Variants in PLCH1 observed in about 807,000 individuals in gnomAD.
PLCH1 encodes phospholipase C eta 1.
In PLCH1, 60 loss-of-function variants were observed where a neutral mutation model predicts 126.7. That is an observed-to-expected ratio of 0.47 (90% CI 0.38 to 0.59). The LOEUF (loss-of-function observed/expected upper bound fraction) is 0.59, where lower values mean the gene tolerates loss of function less well. PLCH1 is among the 20% of genes least tolerant of loss of function. The pLI is 0.00. For synonymous variants in PLCH1, 719 were observed against 734.9 expected, an observed-to-expected ratio of 0.98 and a Z score of 0.35; for missense variants, 1,723 against 2,040.0, an observed-to-expected ratio of 0.84 and a Z score of 2.99.
intron 18 of PLCH1, among the ~76,000 whole-genome samples, chr3:155,492,260 G>A (rs1265614217): frequency 1.3e-5 from 2 of 152,170 alleles, no homozygotes; most frequent in African/African-American, 2.4e-5. Flanking sequence ...GACTGTGGCC[G>A]CAGATGAAGA....
intron 1 of PLCH1, among the ~76,000 whole-genome samples, chr3:155,731,034 G>C (rs886395375): frequency 1.3e-5 from 2 of 152,232 alleles, no homozygotes; most frequent in African/African-American, 4.8e-5. Context: ...CACAGCCCTA[G>C]GCTCCAGACC....
chr3:155,483,499 A>G, intron 22 of PLCH1: 1 of 468,430 alleles, frequency 2.1e-6, no homozygotes, highest in East Asian at 3.5e-5. Flanking sequence ...AAACAAAAAA[A>G]GAAGAAAAGA....
intron 4 of PLCH1, among the ~76,000 whole-genome samples, chr3:155,586,537 TC>T (rs1731400434): frequency 6.6e-6 from 1 of 152,004 alleles, no homozygotes; most frequent in Admixed American, 6.6e-5. Flanking sequence ...TGAAACCCTG[TC>T]TCTACTAAAA....
chr3:155,613,136 A>G (rs1323967447), intron 2 of PLCH1, among the ~76,000 whole-genome samples: 1 of 152,134 alleles, frequency 6.6e-6, no homozygotes, highest in Non-Finnish European at 1.5e-5. Context: ...AATAACAAGC[A>G]GTGAGAATGA....
At chr3:155,536,869 G>A (rs1723424280) in intron 10 of PLCH1, among the ~76,000 whole-genome samples, 1 of 152,020 alleles carries the variant, frequency 6.6e-6, no homozygotes, top group African/African-American at 2.4e-5. Flanking sequence ...TAGACACATA[G>A]TCATCAGGTT....
intron 2 of PLCH1, among the ~76,000 whole-genome samples, chr3:155,636,959 T>A (rs2108837572): frequency 6.6e-6 from 1 of 152,272 alleles, no homozygotes; most frequent in Non-Finnish European, 1.5e-5. Flanking sequence ...TATGTCTCGG[T>A]TTTTTACTTT....
At chr3:155,681,721 G>A (rs1744553984) in intron 2 of PLCH1, among the ~76,000 whole-genome samples, 1 of 152,174 alleles carries the variant, frequency 6.6e-6, no homozygotes, top group African/African-American at 2.4e-5. Context: ...ATGTAGCTAT[G>A]CAAACACATG....
chr3:155,697,302 G>C (rs1394022835), intron 2 of PLCH1, among the ~76,000 whole-genome samples: 1 of 152,162 alleles, frequency 6.6e-6, no homozygotes, highest in Non-Finnish European at 1.5e-5. Context: ...ACAAGGACCT[G>C]CCTAGAGTGA....
At chr3:155,676,252 G>T (rs1409319884) in intron 2 of PLCH1, 1 of 1,221,394 alleles carries the variant, frequency 8.2e-7, no homozygotes, top group African/African-American at 1.6e-5. Context: ...AAATCCATGA[G>T]ATATGATTAT....
intron 4 of PLCH1, among the ~76,000 whole-genome samples, chr3:155,592,487 T>C (rs1285552357): frequency 2.7e-5 from 2 of 72,780 alleles, no homozygotes; most frequent in South Asian, 3.4e-4. Flanking sequence ...AGAGCAAGAC[T>C]CCATCTCCAA....
intron 2 of PLCH1, among the ~76,000 whole-genome samples, chr3:155,641,634 C>A (rs1739411428): frequency 6.6e-6 from 1 of 152,050 alleles, no homozygotes; most frequent in South Asian, 2.1e-4. Context: ...TTTAAGGTGA[C>A]AAATATCCAA....
At chr3:155,640,093 C>T (rs528708351) in intron 2 of PLCH1, among the ~76,000 whole-genome samples, 10 of 152,180 alleles carry the variant, frequency 6.6e-5, no homozygotes, top group African/African-American at 2.2e-4. Flanking sequence ...AATGTGAGAA[C>T]GGACTTATAC....
rs868847130 is a variant in PLCH1, at chr3:155,635,153, A to C, written c.80-38775T>G. On this transcript the variant is annotated intron_variant, in intron 2 of 22. Coordinates refer to ENST00000460012, the MANE Select transcript of PLCH1 (RefSeq NM_014996.4). ...TCATTTCTTAATTAAAAAAAAAAAA[A>C]CTAAAATCTCTCAGCTCTATTGCCA... Among the ~76,000 whole-genome samples the C allele has an allele frequency of 7.7e-4, 114 of 147,468 alleles. 3 individuals carry two copies. Among genetic ancestry groups the C allele is most frequent in the African/African-American group, 2.8e-3 (111 of 39,312 alleles).
intron 10 of PLCH1, among the ~76,000 whole-genome samples, chr3:155,524,991 T>G (rs1472891284): frequency 6.6e-6 from 1 of 152,130 alleles, no homozygotes; most frequent in African/African-American, 2.4e-5. Flanking sequence ...CACTCCAGCC[T>G]GGGTGACAAA....
chr3:155,743,799 A>C (rs1331797813), intron 1 of PLCH1: 1 of 260,570 alleles, frequency 3.8e-6, no homozygotes, highest in African/African-American at 2.4e-5. Flanking sequence ...TCTGCTCTTC[A>C]CCTGGGTTAG....
chr3:155,486,320 G>C, intron 21 of PLCH1: 1 of 652,182 alleles, frequency 1.5e-6, no homozygotes, highest in Non-Finnish European at 2.6e-6. Flanking sequence ...CTTTCTCTTA[G>C]TTTTGGGGAT....
intron 2 of PLCH1, among the ~76,000 whole-genome samples, chr3:155,669,413 T>TAA (rs1054434793): frequency 6.6e-6 from 1 of 152,024 alleles, no homozygotes; most frequent in African/African-American, 2.4e-5. Context: ...ACCCCATCTC[T>TAA]AAAAAAATAC....
At chr3:155,504,044 A>G (rs1441994688) in intron 13 of PLCH1, among the ~76,000 whole-genome samples, 1 of 152,212 alleles carries the variant, frequency 6.6e-6, no homozygotes, top group Non-Finnish European at 1.5e-5. Context: ...GCGGGCATAT[A>G]TGGAATCACA....
intron 22 of PLCH1, among the ~76,000 whole-genome samples, chr3:155,484,748 A>C (rs1714752313): frequency 1.3e-5 from 2 of 152,162 alleles, no homozygotes; most frequent in African/African-American, 4.8e-5. Context: ...CAAATTAAGG[A>C]AAAAGACAGG....
Sources: gnomAD v4.1 joint callset for allele counts (sites outside exome capture counted in the v4.1 genomes callset) on GRCh38, gnomAD v4.1.1 for gene constraint, MANE v1.5 for transcripts, NCBI Gene and HGNC (gene_info 2026-07-23, HGNC 2026-07-21) for gene names.